The following WDR20 variants were observed in gnomAD, a reference collection of about 807,000 sequenced individuals.
WDR20 encodes WD repeat-containing protein 20.
A neutral mutation model predicts 38.7 loss-of-function variants in WDR20; 3 were observed. The observed-to-expected ratio is 0.08, with a 90% CI of 0.04 to 0.20. WDR20 has a LOEUF of 0.20. Among genes scored for constraint, WDR20 ranks in the 10% least tolerant of loss-of-function variants. The pLI is 1.00. For synonymous variants in WDR20, 298 were observed against 285.6 expected (o/e 1.04, Z -0.44); for missense variants, 559 against 727.7 (o/e 0.77, Z 2.67).
chr14:102,153,100 G>A (rs115672022), intron 1 of WDR20, among the ~76,000 whole-genome samples: 263 of 152,156 alleles, frequency 1.7e-3, no homozygotes, highest in African/African-American at 6.2e-3. Flanking sequence ...TAGTGAGTAC[G>A]AGTTCTCTCC....
chr14:102,210,292 G>T lies in WDR20; in HGVS notation c.*412G>T. 1 of 991,446 alleles carries T rather than the reference G, an allele frequency of 1.0e-6. No individual in the cohort carries two copies. The highest frequency in any genetic ancestry group is 1.2e-6 in the Non-Finnish European group (1 of 833,572). 61.4% of individuals were successfully genotyped at this position (991,446 alleles called of 1,614,324 possible). Reference sequence around the variant, plus strand: ...AATATTGTACACCTGATCAATGTGTGTTCAGCACAGATGGCCATGAATTGT... The same window carrying T: ...AATATTGTACACCTGATCAATGTGTTTTCAGCACAGATGGCCATGAATTGT... On this transcript the variant is annotated 3_prime_UTR_variant, in exon 3 of 3. Coordinates refer to ENST00000342702, the MANE Select transcript of WDR20 (RefSeq NM_144574.4).
intron 1 of WDR20, among the ~76,000 whole-genome samples, chr14:102,181,394 C>T (rs2063341642): frequency 1.3e-5 from 2 of 151,996 alleles, no homozygotes; most frequent in Admixed American, 6.6e-5. Context: ...ATCAGAGCTC[C>T]GAGTTGAGCT....
intron 1 of WDR20, among the ~76,000 whole-genome samples, chr14:102,149,737 A>G (rs569383962): frequency 6.6e-6 from 1 of 152,310 alleles, no homozygotes. Context: ...TCTGTCGCCC[A>G]GGCTGGAGTG....
chr14:102,202,300 A>G (rs1164130620), intron 2 of WDR20, among the ~76,000 whole-genome samples: 2 of 142,242 alleles, frequency 1.4e-5, no homozygotes, highest in East Asian at 2.1e-4. Flanking sequence ...TGCTCTCCTC[A>G]TGGCACTTCT....
intron 2 of WDR20, among the ~76,000 whole-genome samples, chr14:102,196,238 C>A (rs2059384141): frequency 6.6e-6 from 1 of 152,094 alleles, no homozygotes; most frequent in Admixed American, 6.5e-5. Context: ...GCCATCTCTT[C>A]TAGTTTCCTC....
intron 1 of WDR20, among the ~76,000 whole-genome samples, chr14:102,145,107 C>G (rs2053131869): frequency 6.6e-6 from 1 of 152,190 alleles, no homozygotes; most frequent in African/African-American, 2.4e-5. Flanking sequence ...ATCTTTCCTG[C>G]TCTCCATCTT....
chr14:102,164,263 T>C (rs998441871), intron 1 of WDR20, among the ~76,000 whole-genome samples: 4 of 152,182 alleles, frequency 2.6e-5, no homozygotes, highest in African/African-American at 9.6e-5. Flanking sequence ...CCACTTTTAA[T>C]CATTGAAGAC....
At chr14:102,211,255 G>A (rs923352784), downstream of WDR20, among the ~76,000 whole-genome samples, 6 of 152,020 alleles carry the variant, frequency 3.9e-5, no homozygotes, top group South Asian at 2.1e-4. The surrounding 1 kb of genome is among the most constrained non-coding windows in gnomAD (Gnocchi z 4.2). Flanking sequence ...TAGAGACAAC[G>A]ATCACTTAGA....
chr14:102,147,297 G>A (rs2152697676), intron 1 of WDR20, among the ~76,000 whole-genome samples: 1 of 152,292 alleles, frequency 6.6e-6, no homozygotes, highest in Admixed American at 6.5e-5. Flanking sequence ...CAGGAGGCAG[G>A]AGAATCACTT....
At chr14:102,165,802 A>G (rs938877004) in intron 1 of WDR20, among the ~76,000 whole-genome samples, 1 of 150,986 alleles carries the variant, frequency 6.6e-6, no homozygotes, top group Non-Finnish European at 1.5e-5. Context: ...ATGCCTAGCT[A>G]ATTTTTTATT....
At position 102,209,645 on chromosome 14, in the gene WDR20, G is replaced by A. The variant is rs557598274; in HGVS notation, c.1475G>A (p.Ser492Asn). ...HSMGHISSKS[S>N]DKLNLVTKTK... ...ATGGGACACATTTCTAGCAAGAGCA[G>A]TGACAAACTGAATCTAGTTACCAAA... Residue 492 changes from serine (S) to asparagine (N), a missense_variant, in exon 3 of 3, where the codon AGT (serine) becomes AAT (asparagine). Transcript: ENST00000342702. This position sits in a 1 kb window ranked among gnomAD's most constrained non-coding sequence, Gnocchi z 6.0. 1 of 1,614,174 alleles carries A rather than the reference G, an allele frequency of 6.2e-7. No individual in the cohort carries two copies. The highest frequency in any genetic ancestry group is 1.1e-5 in the South Asian group (1 of 91,076).
downstream of WDR20, chr14:102,214,406 C>G (rs1248230936): frequency 5.1e-6 from 5 of 985,456 alleles, no homozygotes; most frequent in Non-Finnish European, 6.0e-6. Context: ...TATGTAAAAG[C>G]ACTCGTATGC....
downstream of WDR20, among the ~76,000 whole-genome samples, chr14:102,217,184 C>T (rs1160600224): frequency 1.3e-5 from 2 of 152,168 alleles, no homozygotes; most frequent in Non-Finnish European, 2.9e-5. Flanking sequence ...TCCTGCCCCA[C>T]ACAGTAGAGA....
At chr14:102,200,468 TGTGTGTGTGTGTGTGTG>T (rs1254699281) in intron 2 of WDR20, among the ~76,000 whole-genome samples, 2 of 43,078 alleles carry the variant, frequency 4.6e-5, no homozygotes, top group African/African-American at 1.4e-4. Context: ...TTTTTTTTTT[TGTGTGTGTGTGTGTGTG>T]TGTGTGTGTG....
chr14:102,206,192 G>C (rs2061508292), intron 2 of WDR20, among the ~76,000 whole-genome samples: 1 of 152,102 alleles, frequency 6.6e-6, no homozygotes, highest in South Asian at 2.1e-4. Flanking sequence ...TCACCATGTT[G>C]GCCAGGCTGG....
intron 1 of WDR20, among the ~76,000 whole-genome samples, chr14:102,177,015 AC>A (rs1391525920): frequency 2.6e-5 from 4 of 152,150 alleles, no homozygotes; most frequent in Non-Finnish European, 5.9e-5. Flanking sequence ...GGCGTAAGCC[AC>A]CGTGCCCCAC....
At chr14:102,200,909 C>T (rs2060281109) in intron 2 of WDR20, among the ~76,000 whole-genome samples, 1 of 152,248 alleles carries the variant, frequency 6.6e-6, no homozygotes, top group Non-Finnish European at 1.5e-5. Flanking sequence ...TGGAGGGACA[C>T]TGCTGCCAGC....
chr14:102,186,220 C>T (rs1289399559), intron 1 of WDR20, among the ~76,000 whole-genome samples: 2 of 152,178 alleles, frequency 1.3e-5, no homozygotes, highest in African/African-American at 4.8e-5. Flanking sequence ...CTGTGAGAAA[C>T]ATGGATTGTG....
downstream of WDR20, chr14:102,212,451 C>T (rs1439175868): frequency 1.3e-6 from 2 of 1,514,996 alleles, no homozygotes; most frequent in African/African-American, 2.8e-5. Flanking sequence ...CAGGCTGGCC[C>T]AGGCCCTGCA....
Sources: gnomAD v4.1 joint callset for allele counts (sites outside exome capture counted in the v4.1 genomes callset) on GRCh38, gnomAD v4.1.1 for gene constraint, Gnocchi (gnomAD v3.1) non-coding constraint, MANE v1.5 for transcripts, NCBI Gene and HGNC (gene_info 2026-07-23, HGNC 2026-07-21) for gene names.